DTNA: variants seen among roughly 807,000 people sequenced by gnomAD.
DTNA encodes dystrobrevin alpha.
Under a neutral mutation model 100.7 loss-of-function variants are expected in DTNA, and 43 were observed. The ratio of observed to expected loss-of-function variants is 0.43; its 90% CI spans 0.33 to 0.55. The LOEUF is 0.55. Ranked by LOEUF, DTNA falls within the 20% of genes least tolerant of loss-of-function variation. The pLI, the probability that DTNA is intolerant of heterozygous loss-of-function variation, is 0.04. For missense variants in DTNA, 798 were observed against 953.9 expected, an observed-to-expected ratio of 0.84 and a Z score of 2.15; for synonymous variants, 349 against 347.9, an observed-to-expected ratio of 1.00 and a Z score of -0.04.
intron 1 of DTNA, among the ~76,000 whole-genome samples, chr18:34,732,171 A>G (rs546328297): frequency 6.6e-6 from 1 of 152,220 alleles, no homozygotes; most frequent in East Asian, 1.9e-4. Flanking sequence ...AACCTACCTT[A>G]CCCATAATTT....
At chr18:34,566,051 C>T (rs1044467840) in intron 1 of DTNA, among the ~76,000 whole-genome samples, 1 of 152,034 alleles carries the variant, frequency 6.6e-6, no homozygotes, top group Non-Finnish European at 1.5e-5. Flanking sequence ...TGAAAATGGC[C>T]ACTAGCAGGT....
At chr18:34,671,581 C>G (rs967613278) in intron 1 of DTNA, among the ~76,000 whole-genome samples, 2 of 152,184 alleles carry the variant, frequency 1.3e-5, no homozygotes, top group Non-Finnish European at 2.9e-5. Flanking sequence ...AAATTTAATT[C>G]AGAATATTTG....
intron 1 of DTNA, among the ~76,000 whole-genome samples, chr18:34,548,452 T>C (rs181666394): frequency 9.8e-4 from 149 of 152,248 alleles, no homozygotes; most frequent in African/African-American, 3.5e-3. Context: ...ACAATCTCAT[T>C]TGAGGAAAAC....
intron 1 of DTNA, among the ~76,000 whole-genome samples, chr18:34,545,465 T>G (rs540025082): frequency 5.2e-4 from 79 of 152,286 alleles, no homozygotes; most frequent in African/African-American, 1.8e-3. Context: ...TGTGATTAAC[T>G]TAACCAGGCA....
intron 17 of DTNA, among the ~76,000 whole-genome samples, chr18:34,874,867 A>G (rs1320510134): frequency 6.6e-6 from 1 of 152,230 alleles, no homozygotes; most frequent in Non-Finnish European, 1.5e-5. Context: ...TCTAGTTTGT[A>G]TTTTAAACTT....
intron 11 of DTNA, among the ~76,000 whole-genome samples, chr18:34,831,168 T>G (rs1375974833): frequency 6.6e-6 from 1 of 152,212 alleles, no homozygotes; most frequent in East Asian, 1.9e-4. Flanking sequence ...TCAAGTAAGC[T>G]TCTTTCACTA....
At chr18:34,847,249 A>C (rs1319156621) in intron 13 of DTNA, among the ~76,000 whole-genome samples, 2 of 152,168 alleles carry the variant, frequency 1.3e-5, no homozygotes, top group African/African-American at 4.8e-5. Flanking sequence ...GATCATCCTT[A>C]TTCTAGTATG....
chr18:34,569,886 TAC>T (rs143877334), intron 1 of DTNA, among the ~76,000 whole-genome samples: 15,313 of 146,876 alleles, frequency 0.1, 1,127 homozygotes, highest in African/African-American at 0.2. Flanking sequence ...CATACACACA[TAC>T]ACACACACAC....
At chr18:34,746,469 A>G (rs2091597125) in intron 1 of DTNA, among the ~76,000 whole-genome samples, 1 of 152,134 alleles carries the variant, frequency 6.6e-6, no homozygotes, top group Admixed American at 6.6e-5. Flanking sequence ...AAGTGGGCCT[A>G]TGTGTATAAT....
At chr18:34,547,623 T>C (rs1028385294) in intron 1 of DTNA, among the ~76,000 whole-genome samples, 1 of 152,188 alleles carries the variant, frequency 6.6e-6, no homozygotes, top group Non-Finnish European at 1.5e-5. Flanking sequence ...CCTGGAGATA[T>C]ACCTTACTGT....
chr18:34,531,578 C>T (rs927887472), intron 1 of DTNA, among the ~76,000 whole-genome samples: 3 of 152,054 alleles, frequency 2.0e-5, no homozygotes, highest in Admixed American at 6.6e-5. Context: ...CATTGGGCTA[C>T]ATTCTATGTA....
intron 1 of DTNA, among the ~76,000 whole-genome samples, chr18:34,569,001 T>C (rs2047334839): frequency 6.6e-6 from 1 of 152,228 alleles, no homozygotes; most frequent in Admixed American, 6.5e-5. Context: ...AGGAAACCCA[T>C]GTTACTATGC....
chr18:34,698,406 A>G (rs958335609), intron 1 of DTNA, among the ~76,000 whole-genome samples: 1 of 152,158 alleles, frequency 6.6e-6, no homozygotes, highest in African/African-American at 2.4e-5. Context: ...GCCTCTTCCT[A>G]GCTTCTGTGG....
chr18:34,567,902 A>T (rs2047223960), intron 1 of DTNA, among the ~76,000 whole-genome samples: 1 of 152,150 alleles, frequency 6.6e-6, no homozygotes, highest in African/African-American at 2.4e-5. Flanking sequence ...TTTTAATGTC[A>T]CTATCAAGTA....
intron 1 of DTNA, among the ~76,000 whole-genome samples, chr18:34,603,957 G>C (rs1415180820): frequency 6.6e-6 from 1 of 152,116 alleles, no homozygotes; most frequent in African/African-American, 2.4e-5. Context: ...CTCTACTAAA[G>C]TTATCATGTA....
chr18:34,561,734 A>G lies in DTNA; in HGVS notation c.-2+68220A>G, dbSNP rs570589510. Among the ~76,000 whole-genome samples, 126 of 152,246 alleles carry G rather than the reference A, an allele frequency of 8.3e-4. 2 individuals carry two copies. Among genetic ancestry groups the G allele is most frequent in the Non-Finnish European group, 2.9e-5 (2 of 67,992 alleles). The stretch of plus-strand genomic sequence containing the variant: ...CATAATTTATAGAAAAAGTATTAAC[A>G]TTTTGCTGCATGTGCTTACTACGTT... On this transcript the variant is annotated intron_variant, in intron 1 of 19. Transcript: ENST00000283365.
intron 1 of DTNA, among the ~76,000 whole-genome samples, chr18:34,523,694 G>A (rs990550155): frequency 6.6e-6 from 1 of 152,112 alleles, no homozygotes; most frequent in Non-Finnish European, 1.5e-5. Context: ...CTTCAGTTGA[G>A]GGAAATAAAA....
intron 13 of DTNA, among the ~76,000 whole-genome samples, chr18:34,844,509 GC>G (rs2096338665): frequency 6.6e-6 from 1 of 151,730 alleles, no homozygotes; most frequent in African/African-American, 2.4e-5. Context: ...TAAACCAACT[GC>G]CAAAGATAGA....
chr18:34,501,728 C>G (rs1440691582), intron 1 of DTNA, among the ~76,000 whole-genome samples: 3 of 152,090 alleles, frequency 2.0e-5, no homozygotes, highest in Admixed American at 6.5e-5. Context: ...CCTCACAGTT[C>G]TGGAGGTTAC....
Sources: allele counts gnomAD v4.1 joint callset (sites outside exome capture counted in the v4.1 genomes callset), GRCh38; gene constraint gnomAD v4.1.1; transcripts MANE v1.5; gene names NCBI Gene and HGNC (gene_info 2026-07-23, HGNC 2026-07-21).